FOCAD: variants seen among roughly 807,000 people sequenced by gnomAD.
FOCAD encodes KIAA1797.
Under a neutral mutation model 225.6 loss-of-function variants are expected in FOCAD, and 198 were observed. The observed-to-expected ratio is 0.88, with a 90% CI of 0.78 to 0.99. The LOEUF is 0.99. FOCAD is among the 50% of genes least tolerant of loss of function. The pLI is 0.00. For missense variants in FOCAD, 2,713 were observed against 2,123.6 expected, an observed-to-expected ratio of 1.28 and a Z score of -5.46; for synonymous variants, 897 against 755.0, an observed-to-expected ratio of 1.19 and a Z score of -3.08.
intron 5 of FOCAD, among the ~76,000 whole-genome samples, chr9:20,748,012 A>G (rs1462645841): frequency 6.6e-6 from 1 of 151,896 alleles, no homozygotes; most frequent in African/African-American, 2.4e-5. Context: ...ACGATCAGCT[A>G]TTATCTTATG....
At chr9:20,806,245 C>T (rs939334401) in intron 11 of FOCAD, among the ~76,000 whole-genome samples, 1 of 152,158 alleles carries the variant, frequency 6.6e-6, no homozygotes, top group Non-Finnish European at 1.5e-5. Flanking sequence ...CTGATGGGTA[C>T]TATTTAAATT....
chr9:20,784,489 T>C (rs1406778721), intron 10 of FOCAD, among the ~76,000 whole-genome samples: 2 of 152,050 alleles, frequency 1.3e-5, no homozygotes, highest in Non-Finnish European at 2.9e-5. Context: ...AAAAGTTTTT[T>C]TGGAGGGGAG....
At chr9:20,807,357 A>G (rs1822569395) in intron 11 of FOCAD, among the ~76,000 whole-genome samples, 1 of 152,224 alleles carries the variant, frequency 6.6e-6, no homozygotes, top group Non-Finnish European at 1.5e-5. Context: ...GTTTTAAACA[A>G]CATTTAGATG....
intron 1 of FOCAD, among the ~76,000 whole-genome samples, chr9:20,688,126 C>A (rs1822772845): frequency 6.6e-6 from 1 of 152,102 alleles, no homozygotes; most frequent in African/African-American, 2.4e-5. Flanking sequence ...CCGTGTTAGC[C>A]ATTTTGAGCT....
upstream of FOCAD, among the ~76,000 whole-genome samples, chr9:20,680,221 G>C (rs567295761): frequency 3.3e-5 from 5 of 152,298 alleles, no homozygotes; most frequent in East Asian, 9.6e-4. Flanking sequence ...ATTAGAACCT[G>C]TTCTAATGTT....
In FOCAD at chr9:20,953,145, C is replaced by G. The variant is rs1837834482; in HGVS notation, c.4132+80C>G. The stretch of plus-strand genomic sequence containing the variant: ...AAATTTGTGTACCCTAAGCATGCCT[C>G]TGTAGAATCAAGCAATATAAATCTG... On this transcript the variant is annotated intron_variant, in intron 35 of 43. Transcript: ENST00000338382. The G allele has an allele frequency of 2.7e-5, 30 of 1,129,628 alleles. 2 individuals are homozygous for G. The South Asian group carries it at 4.1e-4, about 15-fold the overall frequency. The allele number at this position is 1,129,628 out of a possible 1,614,324, so 70.0% of individuals were successfully genotyped here.
At position 20,802,014 on chromosome 9, in the gene FOCAD, A is replaced by G. The variant is rs984541361; in HGVS notation, c.1455+12406A>G. On this transcript the variant is annotated intron_variant, in intron 11 of 43. Transcript: ENST00000338382. ...TAGTTGTTATAATAGACTCTTAGGCAAGTTTTCAGGACAGTTAATGTAATG... is the reference window on the plus strand; with the variant it reads ...TAGTTGTTATAATAGACTCTTAGGCGAGTTTTCAGGACAGTTAATGTAATG... Among the ~76,000 whole-genome samples, 4 of 152,116 alleles carry G rather than the reference A, an allele frequency of 2.6e-5. 1 individual carries two copies. The East Asian group carries it at 5.8e-4, about 22-fold the overall frequency.
intron 15 of FOCAD, among the ~76,000 whole-genome samples, chr9:20,840,545 T>G (rs937921102): frequency 6.6e-6 from 1 of 151,616 alleles, no homozygotes; most frequent in Non-Finnish European, 1.5e-5. Flanking sequence ...TTACTTTGTT[T>G]TTTTCATATT....
chr9:20,806,223 G>C (rs1485720507), intron 11 of FOCAD, among the ~76,000 whole-genome samples: 8 of 152,162 alleles, frequency 5.3e-5, no homozygotes, highest in Non-Finnish European at 7.4e-5. Flanking sequence ...GCCTAATATA[G>C]ATGACTTAGT....
At chr9:20,738,133 A>G (rs868738527) in intron 4 of FOCAD, among the ~76,000 whole-genome samples, 1 of 152,210 alleles carries the variant, frequency 6.6e-6, no homozygotes, top group Non-Finnish European at 1.5e-5. Flanking sequence ...ATGTTGAGGT[A>G]TCTTTTTCCT....
Position 20,660,007 on chromosome 9 carries a change from G to C in FOCAD, c.-78+1181G>C, listed in dbSNP as rs1041788135. Among the ~76,000 whole-genome samples, 3 of 152,324 alleles carry C rather than the reference G, an allele frequency of 2.0e-5. No individual in the cohort carries two copies. In the East Asian group the frequency reaches 5.8e-4, roughly 29 times the overall value. On this transcript the variant is annotated intron_variant, in intron 2 of 45. Transcript: ENST00000380249. ...GGTGAATAATATGCCATCAAGGCCTGAAGTAAGAAATATAGGAAGATAATT... is the reference window on the plus strand; with the variant it reads ...GGTGAATAATATGCCATCAAGGCCTCAAGTAAGAAATATAGGAAGATAATT...
At chr9:20,798,965 G>T (rs1379819138) in intron 11 of FOCAD, among the ~76,000 whole-genome samples, 1 of 152,074 alleles carries the variant, frequency 6.6e-6, no homozygotes, top group Non-Finnish European at 1.5e-5. Flanking sequence ...GATCTTTCCT[G>T]CTTTCTCTTG....
chr9:20,729,604 G>A (rs1340773249), intron 4 of FOCAD, among the ~76,000 whole-genome samples: 2 of 152,166 alleles, frequency 1.3e-5, no homozygotes, highest in South Asian at 2.1e-4. Context: ...GTGAGCATAT[G>A]TGTGCTAGGA....
chr9:20,921,190 A>C (rs1834390781), intron 24 of FOCAD, among the ~76,000 whole-genome samples: 1 of 152,160 alleles, frequency 6.6e-6, no homozygotes, highest in Non-Finnish European at 1.5e-5. Context: ...CCTGAAGATA[A>C]AAATCACTGA....
At chr9:20,849,385 T>G (rs1827432471) in intron 15 of FOCAD, among the ~76,000 whole-genome samples, 3 of 151,852 alleles carry the variant, frequency 2.0e-5, no homozygotes, top group African/African-American at 7.2e-5. Flanking sequence ...TTTTCTGGTT[T>G]TTTTTTTCTG....
intron 16 of FOCAD, among the ~76,000 whole-genome samples, chr9:20,865,396 C>G (rs118116473): frequency 1.3e-5 from 2 of 152,082 alleles, no homozygotes; most frequent in Admixed American, 1.3e-4. Flanking sequence ...AGACCACCGA[C>G]TGTTGGAAGG....
chr9:20,668,587 A>T (rs1821963527), intron 2 of FOCAD, among the ~76,000 whole-genome samples: 1 of 152,344 alleles, frequency 6.6e-6, no homozygotes, highest in African/African-American at 2.4e-5. Flanking sequence ...AAGATTGTAC[A>T]AATCCTAAAT....
chr9:20,658,111 C>T (rs1821568379), upstream of FOCAD, among the ~76,000 whole-genome samples: 2 of 150,466 alleles, frequency 1.3e-5, no homozygotes, highest in Non-Finnish European at 3.0e-5. Flanking sequence ...GTCAGGGACC[C>T]ACTTGAGGAG....
intron 2 of FOCAD, among the ~76,000 whole-genome samples, chr9:20,669,092 G>A (rs1468400564): frequency 6.6e-6 from 1 of 152,098 alleles, no homozygotes; most frequent in African/African-American, 2.4e-5. Context: ...TAATTCCCTG[G>A]TTTCTTCCTT....
Sources: gnomAD v4.1 joint callset for allele counts (sites outside exome capture counted in the v4.1 genomes callset) on GRCh38, gnomAD v4.1.1 for gene constraint, MANE v1.5 for transcripts, NCBI Gene and HGNC (gene_info 2026-07-23, HGNC 2026-07-21) for gene names.